Variants in CIDEA observed in about 807,000 individuals in gnomAD.
The protein encoded by CIDEA is lipid transferase CIDEA.
A neutral mutation model predicts 18.2 loss-of-function variants in CIDEA; 10 were observed. The ratio of observed to expected loss-of-function variants is 0.55; its 90% CI spans 0.34 to 0.93. The LOEUF (loss-of-function observed/expected upper bound fraction) is 0.93, where lower values mean the gene tolerates loss of function less well. Among genes scored for constraint, CIDEA ranks in the 40% least tolerant of loss-of-function variants. The pLI, the probability that CIDEA is intolerant of heterozygous loss-of-function variation, is 0.02. For synonymous variants in CIDEA, 128 were observed against 124.8 expected (o/e 1.03, Z -0.17); for missense variants, 309 against 293.1 (o/e 1.05, Z -0.40).
chr18:12,262,868 A>T lies in CIDEA; in HGVS notation c.82A>T (p.Thr28Ser), dbSNP rs139378832. 3.7e-6 allele frequency: 6 copies of T among 1,613,974 alleles called. No individual in the cohort carries two copies. Among genetic ancestry groups the T allele is most frequent in the Non-Finnish European group, 5.1e-6 (6 of 1,180,016 alleles). The change falls in exon 2 of 5, where the codon ACC becomes TCC. Residue 28 changes from threonine to serine, a missense_variant. Thr to Ser is a moderately conservative substitution (Grantham distance 58). Transcript: ENST00000320477. ...ATCACAGACTAAGCGAGTCCTGTTC[A>T]CCCCGCTCATGCATCCAGCTCGCCC... ...MGSQTKRVLF[T>S]PLMHPARPFR...
chr18:12,255,314 T>C (rs1227378369), intron 1 of CIDEA, among the ~76,000 whole-genome samples: 1 of 152,180 alleles, frequency 6.6e-6, no homozygotes, highest in Non-Finnish European at 1.5e-5. Context: ...CCACTGTGTG[T>C]GCTACGTGTG....
At chr18:12,270,510 G>A (rs1329735064) in intron 3 of CIDEA, among the ~76,000 whole-genome samples, 1 of 151,992 alleles carries the variant, frequency 6.6e-6, no homozygotes, top group East Asian at 1.9e-4. Flanking sequence ...CCCACGGGGT[G>A]AAACCCCGTC....
At chr18:12,261,154 G>T (rs748828206) in intron 1 of CIDEA, among the ~76,000 whole-genome samples, 3 of 152,180 alleles carry the variant, frequency 2.0e-5, no homozygotes, top group Admixed American at 6.5e-5. Flanking sequence ...ATGCTGAGGT[G>T]GGTGGATCAC....
intron 4 of CIDEA, among the ~76,000 whole-genome samples, chr18:12,275,056 C>T (rs968738219): frequency 2.6e-5 from 4 of 152,240 alleles, no homozygotes; most frequent in Non-Finnish European, 4.4e-5. Context: ...GGCATGGTGG[C>T]TCACACCTAT....
At chr18:12,275,933 T>C (rs1905314464) in intron 4 of CIDEA, among the ~76,000 whole-genome samples, 1 of 152,042 alleles carries the variant, frequency 6.6e-6, no homozygotes, top group Non-Finnish European at 1.5e-5. Flanking sequence ...AAAGGTAAGA[T>C]GAAGAAAGCT....
In CIDEA at chr18:12,258,843, C is replaced by G. The variant is rs1401794921; in HGVS notation, c.39-3982C>G. On this transcript the variant is annotated intron_variant, in intron 1 of 4. Coordinates refer to ENST00000320477, the MANE Select transcript of CIDEA (RefSeq NM_001279.4). ...GCGGCACTTGGGCCTTTCTGTCACCCTCCTTGAGGGGACTTCAGCTAGTTT... is the reference window on the plus strand; with the variant it reads ...GCGGCACTTGGGCCTTTCTGTCACCGTCCTTGAGGGGACTTCAGCTAGTTT... 2.0e-5 allele frequency among the ~76,000 whole-genome samples: 3 copies of G among 152,258 alleles called. No individual in the cohort carries two copies. In the East Asian group the frequency reaches 5.8e-4, roughly 29 times the overall value.
intron 3 of CIDEA, among the ~76,000 whole-genome samples, chr18:12,270,594 C>CAGAA (rs1437623330): frequency 6.9e-6 from 1 of 144,572 alleles, no homozygotes; most frequent in Non-Finnish European, 1.5e-5. Context: ...GAGGTTGAGG[C>CAGAA]AGATAATTGT....
chr18:12,256,276 T>C (rs913557808), intron 1 of CIDEA, among the ~76,000 whole-genome samples: 17 of 152,248 alleles, frequency 1.1e-4, no homozygotes, highest in Non-Finnish European at 2.2e-4. Context: ...TTCGGCTTCC[T>C]CTCAGGGTTC....
Position 12,277,186 on chromosome 18 carries a change from C to T in CIDEA, c.576C>T (p.Gly192=). ...QVTGQFLIYL[G]TYMLRVLDDK... is the part of the protein sequence containing the mutation. Reference sequence around the variant, plus strand: ...CGGGACAGTTTCTCATCTATCTGGGCACATACATGCTCCGGGTGCTGGATG... The same window carrying T: ...CGGGACAGTTTCTCATCTATCTGGGTACATACATGCTCCGGGTGCTGGATG... Residue 192 remains glycine (G), a synonymous_variant, in exon 5 of 5, where the codon GGC becomes GGT. Transcript: ENST00000320477. 6.2e-7 allele frequency: 1 copy of T among 1,614,176 alleles called. No individual in the cohort carries two copies. Among genetic ancestry groups the T allele is most frequent in the Non-Finnish European group, 8.5e-7 (1 of 1,180,042 alleles).
At chr18:12,255,099 G>A (rs979799528) in intron 1 of CIDEA, 3 of 384,328 alleles carry the variant, frequency 7.8e-6, no homozygotes, top group Non-Finnish European at 1.4e-5. Context: ...CGAACAGGCA[G>A]CATTGGCTAT....
chr18:12,273,488 C>T (rs981795083), intron 3 of CIDEA, among the ~76,000 whole-genome samples: 3 of 152,104 alleles, frequency 2.0e-5, no homozygotes, highest in Admixed American at 1.3e-4. Flanking sequence ...CACTGACTTC[C>T]TCCTCCCACC....
At chr18:12,264,786 C>T (rs1187992033) in intron 3 of CIDEA, among the ~76,000 whole-genome samples, 1 of 152,182 alleles carries the variant, frequency 6.6e-6, no homozygotes, top group Non-Finnish European at 1.5e-5. Flanking sequence ...ATCTCCTGAC[C>T]TCGCGATCCG....
intron 2 of CIDEA, 37 bp downstream of exon 2, chr18:12,263,006 G>T: frequency 6.2e-7 from 1 of 1,608,066 alleles, no homozygotes; most frequent in Non-Finnish European, 8.5e-7. Context: ...CAGTCCACAG[G>T]GGTGCCCTGC....
chr18:12,276,806 G>T (rs1170093806), intron 4 of CIDEA, among the ~76,000 whole-genome samples: 1 of 152,206 alleles, frequency 6.6e-6, no homozygotes, highest in Non-Finnish European at 1.5e-5. Flanking sequence ...CACAGAGCTT[G>T]CCAGCCACTC....
chr18:12,264,293 T>G lies in CIDEA; in HGVS notation c.184-14T>G. The stretch of plus-strand genomic sequence containing the variant: ...CTGGCTTCACTCCATTTCTCTGATG[T>G]GTTGCACACCTAGACTCTGGATGCC... On this transcript the variant is annotated splice_polypyrimidine_tract_variant and intron_variant, in intron 2 of 4. Transcript: ENST00000320477. The G allele has an allele frequency of 6.3e-7, 1 of 1,576,892 alleles. No homozygotes were observed. Among genetic ancestry groups the G allele is most frequent in the Non-Finnish European group, 8.6e-7 (1 of 1,163,822 alleles).
At chr18:12,264,085 C>T (rs995093350) in intron 2 of CIDEA, among the ~76,000 whole-genome samples, 2 of 152,282 alleles carry the variant, frequency 1.3e-5, no homozygotes. Flanking sequence ...TGCACTCCAG[C>T]CTGGGCAGCA....
At chr18:12,268,140 C>T (rs1912403957) in intron 3 of CIDEA, among the ~76,000 whole-genome samples, 2 of 151,288 alleles carry the variant, frequency 1.3e-5, no homozygotes, top group Non-Finnish European at 2.9e-5. Flanking sequence ...TCTCGGCTCA[C>T]TGCAACCTAT....
At chr18:12,267,434 C>T (rs1912382431) in intron 3 of CIDEA, among the ~76,000 whole-genome samples, 1 of 152,238 alleles carries the variant, frequency 6.6e-6, no homozygotes, top group African/African-American at 2.4e-5. Context: ...CATGTGGATA[C>T]ACATCAGCTA....
intron 3 of CIDEA, 56 bp from the exon 4 acceptor site, chr18:12,274,037 T>C: frequency 1.9e-6 from 3 of 1,581,840 alleles, no homozygotes; most frequent in African/African-American, 1.3e-5. Context: ...AGCAGAGTGA[T>C]GACGTGGGAG....
Sources: gnomAD v4.1 joint callset for allele counts (sites outside exome capture counted in the v4.1 genomes callset) on GRCh38, gnomAD v4.1.1 for gene constraint, MANE v1.5 for transcripts, NCBI Gene and HGNC (gene_info 2026-07-23, HGNC 2026-07-21) for gene names.